HMGCLL1: variants seen among roughly 807,000 people sequenced by gnomAD.
The protein encoded by HMGCLL1 is 3-hydroxymethyl-3-methylglutaryl-CoA lyase, cytoplasmic.
A neutral mutation model predicts 39.1 loss-of-function variants in HMGCLL1; 36 were observed. The observed-to-expected ratio is 0.92, with a 90% confidence interval of 0.71 to 1.22. HMGCLL1 has a LOEUF of 1.22. Among genes scored for constraint, HMGCLL1 ranks in the 50% most tolerant of loss-of-function variants. The probability of loss-of-function intolerance (pLI) is 0.00; values close to 1 mark genes in which losing one functional copy is unlikely to be tolerated. For synonymous variants in HMGCLL1, 149 were observed against 144.0 expected (o/e 1.03, Z -0.25); for missense variants, 451 against 416.5 (o/e 1.08, Z -0.72).
chr6:55,663,208 AT>A, the HMGCLL1 span, among the ~76,000 whole-genome samples: 1 of 148,084 alleles, frequency 6.8e-6, no homozygotes, highest in African/African-American at 2.5e-5. Flanking sequence ...GATTTTGGTT[AT>A]TTTTGTTCTC....
intron 7 of HMGCLL1, among the ~76,000 whole-genome samples, chr6:55,468,184 A>C (rs1212498421): frequency 6.6e-6 from 1 of 152,044 alleles, no homozygotes; most frequent in Non-Finnish European, 1.5e-5. Flanking sequence ...TGTATGCAGA[A>C]CTTGAGATCT....
At chr6:55,635,754 G>T in the HMGCLL1 span, among the ~76,000 whole-genome samples, 1 of 152,160 alleles carries the variant, frequency 6.6e-6, no homozygotes, top group Admixed American at 6.6e-5. Context: ...GAGCTCAAGT[G>T]GTAGGACAGA....
chr6:55,533,885 CAAA>C (rs70986727), intron 3 of HMGCLL1, among the ~76,000 whole-genome samples: 16 of 71,720 alleles, frequency 2.2e-4, no homozygotes, highest in Non-Finnish European at 3.1e-4. Context: ...GACTCCGTCT[CAAA>C]AAAAAAAAAA....
At chr6:55,554,353 A>T (rs1223134582) in intron 1 of HMGCLL1, among the ~76,000 whole-genome samples, 1 of 152,000 alleles carries the variant, frequency 6.6e-6, no homozygotes, top group Non-Finnish European at 1.5e-5. Context: ...AAGATCTAAA[A>T]TTTTTTAAAT....
At chr6:55,589,911 A>G in the HMGCLL1 span, among the ~76,000 whole-genome samples, 1 of 152,192 alleles carries the variant, frequency 6.6e-6, no homozygotes, top group South Asian at 2.1e-4. Context: ...GAGGATATAA[A>G]CAAATGGAAG....
intron 3 of HMGCLL1, among the ~76,000 whole-genome samples, chr6:55,528,240 G>A (rs998405791): frequency 2.0e-5 from 3 of 151,932 alleles, no homozygotes; most frequent in South Asian, 4.1e-4. Flanking sequence ...ATATGCAGGC[G>A]TACAACAGGA....
At chr6:55,461,565 A>C (rs1764567526) in intron 7 of HMGCLL1, among the ~76,000 whole-genome samples, 1 of 152,096 alleles carries the variant, frequency 6.6e-6, no homozygotes, top group African/African-American at 2.4e-5. Context: ...CTTATTTTTC[A>C]AGTTGCTTTG....
At chr6:55,675,756 G>T in the HMGCLL1 span, among the ~76,000 whole-genome samples, 1 of 152,038 alleles carries the variant, frequency 6.6e-6, no homozygotes, top group Non-Finnish European at 1.5e-5. Flanking sequence ...TTGTGTGTGT[G>T]TGCTTATTTT....
At chr6:55,628,233 C>A in the HMGCLL1 span, among the ~76,000 whole-genome samples, 40 of 101,020 alleles carry the variant, frequency 4.0e-4, no homozygotes, top group African/African-American at 1.5e-3. Context: ...ATAAGAGAAC[C>A]CTGACTAAAC....
chr6:55,507,875 A>G (rs968524441), intron 5 of HMGCLL1, among the ~76,000 whole-genome samples: 69 of 151,898 alleles, frequency 4.5e-4, no homozygotes, highest in African/African-American at 1.6e-3. Context: ...AACTACTAGA[A>G]ACCAAACTAA....
intron 7 of HMGCLL1, among the ~76,000 whole-genome samples, chr6:55,457,515 T>C (rs921041431): frequency 1.9e-4 from 29 of 152,330 alleles, no homozygotes; most frequent in South Asian, 6.2e-4. Context: ...GTTTGAGTTA[T>C]TAAAGCCAAG....
the HMGCLL1 span, among the ~76,000 whole-genome samples, chr6:55,632,804 G>A: frequency 6.6e-6 from 1 of 152,026 alleles, no homozygotes. Flanking sequence ...TTTAGTAAAA[G>A]CATAATCATA....
chr6:55,543,706 A>T (rs964082229), intron 1 of HMGCLL1, among the ~76,000 whole-genome samples: 1 of 150,356 alleles, frequency 6.7e-6, no homozygotes, highest in Non-Finnish European at 1.5e-5. Context: ...AAAACAAAAA[A>T]TCAAAAATTA....
At chr6:55,648,993 C>T in the HMGCLL1 span, among the ~76,000 whole-genome samples, 1 of 151,638 alleles carries the variant, frequency 6.6e-6, no homozygotes, top group Admixed American at 6.6e-5. Flanking sequence ...CCGAATCCAG[C>T]AACACATCAA....
intron 7 of HMGCLL1, among the ~76,000 whole-genome samples, chr6:55,443,143 A>T (rs1763676525): frequency 7.5e-6 from 1 of 132,552 alleles, no homozygotes; most frequent in African/African-American, 2.5e-5. Context: ...AAATCCCTAA[A>T]GTAGAGTTTC....
At chr6:55,510,648 G>T (rs1273118199) in intron 5 of HMGCLL1, among the ~76,000 whole-genome samples, 11 of 107,200 alleles carry the variant, frequency 1.0e-4, no homozygotes, top group Non-Finnish European at 2.0e-4. Flanking sequence ...TTGTGGGGTG[G>T]GGGGAGGGGG....
chr6:55,652,285 A>G, the HMGCLL1 span, among the ~76,000 whole-genome samples: 2 of 151,526 alleles, frequency 1.3e-5, no homozygotes, highest in African/African-American at 4.8e-5. Context: ...CTTTTTTTTT[A>G]GCCAAGAGGA....
intron 4 of HMGCLL1, among the ~76,000 whole-genome samples, chr6:55,516,061 G>C (rs1767719761): frequency 6.6e-6 from 1 of 151,928 alleles, no homozygotes; most frequent in Non-Finnish European, 1.5e-5. Flanking sequence ...AAAGTAACTA[G>C]AGCCAGATAA....
chr6:55,540,345 C>T (rs1050530347), intron 3 of HMGCLL1, among the ~76,000 whole-genome samples: 3 of 152,068 alleles, frequency 2.0e-5, no homozygotes, highest in African/African-American at 7.2e-5. Context: ...GAAATCCTAA[C>T]CTGTAATGTG....
Sources: gnomAD v4.1 joint callset for allele counts (sites outside exome capture counted in the v4.1 genomes callset) on GRCh38, gnomAD v4.1.1 for gene constraint, MANE v1.5 for transcripts, NCBI Gene and HGNC (gene_info 2026-07-23, HGNC 2026-07-21) for gene names.